Variants in RERE observed in about 807,000 individuals in gnomAD.
The protein encoded by RERE is arginine-glutamic acid dipeptide repeats.
A neutral mutation model predicts 146.1 loss-of-function variants in RERE; 40 were observed. The observed-to-expected ratio is 0.27, with a 90% CI of 0.21 to 0.36. The LOEUF is 0.36. Among genes scored for constraint, RERE ranks in the 10% least tolerant of loss-of-function variants. The pLI is 1.00. For missense variants in RERE, 1,933 were observed against 2,138.7 expected (o/e 0.90, Z 1.90); for synonymous variants, 1,003 against 866.0 (o/e 1.16, Z -2.78).
chr1:8,811,886 G>A (rs1260956180), intron 1 of RERE, among the ~76,000 whole-genome samples: 2 of 152,264 alleles, frequency 1.3e-5, no homozygotes, highest in East Asian at 1.9e-4. Flanking sequence ...CATATACAGG[G>A]CCATGGCACT....
chr1:8,670,822 GA>G (rs761869638), intron 1 of RERE, among the ~76,000 whole-genome samples: 6 of 152,214 alleles, frequency 3.9e-5, no homozygotes, highest in Non-Finnish European at 8.8e-5. Flanking sequence ...AGCCATGGTG[GA>G]GTTTTGCATA....
At chr1:8,436,376 G>C (rs983487164) in intron 11 of RERE, among the ~76,000 whole-genome samples, 2 of 152,008 alleles carry the variant, frequency 1.3e-5, no homozygotes, top group Non-Finnish European at 2.9e-5. Flanking sequence ...AATCCAAATG[G>C]GCATGGGAGG....
chr1:8,618,122 C>G (rs774069057), intron 3 of RERE, among the ~76,000 whole-genome samples: 1 of 152,168 alleles, frequency 6.6e-6, no homozygotes, highest in African/African-American at 2.4e-5. Context: ...TACAGCCAGC[C>G]AATGTGCTAA....
At chr1:8,665,339 A>C (rs898535216) in intron 1 of RERE, among the ~76,000 whole-genome samples, 2 of 152,102 alleles carry the variant, frequency 1.3e-5, no homozygotes, top group South Asian at 4.1e-4. Flanking sequence ...TGAGGGACTG[A>C]CCCTTGACTG....
intron 21 of RERE, 136 bp downstream of exon 21, chr1:8,355,964 C>G: frequency 2.2e-6 from 2 of 919,208 alleles, no homozygotes; most frequent in Non-Finnish European, 3.2e-6. Flanking sequence ...CCCCCACGGA[C>G]CCCCTGCATG....
chr1:8,614,253 C>A (rs904090810), intron 4 of RERE, among the ~76,000 whole-genome samples: 24 of 152,068 alleles, frequency 1.6e-4, no homozygotes, highest in Admixed American at 1.4e-3. Flanking sequence ...CCCTTTTTTC[C>A]CCATTTCAGT....
Position 8,805,007 on chromosome 1 carries a change from GGTT to G in RERE, c.-145+12150_-145+12152del, listed in dbSNP as rs1211241644. 2.3e-4 allele frequency among the ~76,000 whole-genome samples: 14 copies of G among 61,362 alleles called. 1 individual carries two copies. The highest frequency in any genetic ancestry group is 8.6e-4 in the African/African-American group (14 of 16,198). 40.3% of individuals were successfully genotyped at this position (61,362 alleles called of 152,430 possible). A position where few individuals can be genotyped will look rare whatever the true frequency, so the allele number is the denominator to read the frequency against. On this transcript the variant is annotated intron_variant, in intron 1 of 22. Transcript: ENST00000400908. ...ATTTTTTTTGTTTTGTTTTGTTTTT[GGTT>G]TTTTTTTTTTTTTTTTTTGAGACAG...
chr1:8,607,388 A>G (rs1187437750), intron 4 of RERE, among the ~76,000 whole-genome samples: 3 of 150,820 alleles, frequency 2.0e-5, no homozygotes, highest in Non-Finnish European at 1.5e-5. Context: ...AGATATTCCC[A>G]TCAAAAAATA....
intron 12 of RERE, among the ~76,000 whole-genome samples, chr1:8,391,006 G>T (rs568843671): frequency 9.9e-5 from 15 of 152,106 alleles, no homozygotes; most frequent in African/African-American, 2.9e-4. Context: ...ATCCAATCTC[G>T]GGGTCACCTT....
intron 12 of RERE, among the ~76,000 whole-genome samples, chr1:8,404,349 C>T (rs981983519): frequency 1.3e-5 from 2 of 151,788 alleles, no homozygotes; most frequent in Non-Finnish European, 2.9e-5. Context: ...ACCCAGGAGG[C>T]GGAGCTTGCA....
intron 12 of RERE, among the ~76,000 whole-genome samples, chr1:8,373,418 C>T (rs1002280902): frequency 6.6e-6 from 1 of 152,142 alleles, no homozygotes; most frequent in African/African-American, 2.4e-5. Context: ...CCCTTCCTTA[C>T]TGAAGTGGAG....
At chr1:8,561,149 G>A (rs879633654) in intron 4 of RERE, among the ~76,000 whole-genome samples, 5 of 152,152 alleles carry the variant, frequency 3.3e-5, no homozygotes, top group Non-Finnish European at 7.3e-5. Flanking sequence ...TGGTTTATTT[G>A]TACCTAGATG....
intron 4 of RERE, among the ~76,000 whole-genome samples, chr1:8,592,347 G>A (rs908134723): frequency 6.6e-6 from 1 of 151,918 alleles, no homozygotes; most frequent in East Asian, 2.0e-4. Flanking sequence ...TTGGCTCACT[G>A]CAGTCTCGAC....
intron 10 of RERE, among the ~76,000 whole-genome samples, chr1:8,479,455 A>G (rs1270993491): frequency 6.6e-6 from 1 of 152,150 alleles, no homozygotes; most frequent in East Asian, 1.9e-4. Context: ...ATTTGGGAAA[A>G]GGGTCTTTGC....
chr1:8,436,587 G>A (rs1223953828), intron 11 of RERE, among the ~76,000 whole-genome samples: 1 of 152,214 alleles, frequency 6.6e-6, no homozygotes, highest in Admixed American at 6.5e-5. Flanking sequence ...TCCTCCGTGA[G>A]AGGATTTTGC....
intron 1 of RERE, among the ~76,000 whole-genome samples, chr1:8,755,992 T>C (rs1640632575): frequency 6.6e-6 from 1 of 152,014 alleles, no homozygotes; most frequent in Admixed American, 6.6e-5. Flanking sequence ...AGGAAAAAAG[T>C]CAATTAAAGA....
At chr1:8,393,013 A>G (rs1162891047) in intron 12 of RERE, among the ~76,000 whole-genome samples, 2 of 152,202 alleles carry the variant, frequency 1.3e-5, no homozygotes, top group East Asian at 3.8e-4. Context: ...CCAAAATACC[A>G]TGATGAAGTT....
At chr1:8,707,760 G>T (rs1007129825) in intron 1 of RERE, among the ~76,000 whole-genome samples, 2 of 152,168 alleles carry the variant, frequency 1.3e-5, no homozygotes, top group Non-Finnish European at 2.9e-5. Context: ...ATTAGTACCA[G>T]TTAGCTATGT....
intron 4 of RERE, among the ~76,000 whole-genome samples, chr1:8,592,161 T>C (rs887252509): frequency 2.6e-5 from 4 of 152,222 alleles, no homozygotes; most frequent in Admixed American, 2.6e-4. Flanking sequence ...GGCCATTTCA[T>C]GTTTAGCAAC....
Sources: gnomAD v4.1 joint callset for allele counts (sites outside exome capture counted in the v4.1 genomes callset) on GRCh38, gnomAD v4.1.1 for gene constraint, MANE v1.5 for transcripts, NCBI Gene and HGNC (gene_info 2026-07-23, HGNC 2026-07-21) for gene names.